Variants in AP5M1 observed in about 807,000 individuals in gnomAD.
AP5M1 encodes adaptor related protein complex 5 subunit mu 1, also known as AP-5 complex subunit mu-1.
In AP5M1, 44 loss-of-function variants were observed where a neutral mutation model predicts 52.3. That is an observed-to-expected ratio of 0.84 (90% CI 0.66 to 1.08). The LOEUF is 1.08. Ranked by LOEUF, AP5M1 falls within the 50% of genes least tolerant of loss-of-function variation. The probability of loss-of-function intolerance (pLI) is 0.00; values close to 1 mark genes in which losing one functional copy is unlikely to be tolerated. For synonymous variants in AP5M1, 213 were observed against 199.0 expected (o/e 1.07, Z -0.59); for missense variants, 526 against 568.4 (o/e 0.93, Z 0.76).
Position 57,274,638 on chromosome 14 carries a change from A to G in AP5M1, c.469A>G (p.Ser157Gly), listed in dbSNP as rs1192966689. Residue 157 changes from serine to glycine, a missense_variant, in exon 2 of 8, where the codon AGC (serine) becomes GGC (glycine). Ser to Gly is a moderately conservative substitution (Grantham distance 56, BLOSUM62 0). Transcript: ENST00000261558. ...KNDSELNTKLSQLPDLLLQAC... is the reference protein window; with the variant it reads ...KNDSELNTKLGQLPDLLLQAC... ...TGACTCTGAGCTGAATACAAAATTG[A>G]GCCAGTTGCCTGACTTGCTTCTGCA... is the stretch of plus-strand genomic sequence containing the variant. 1.2e-6 allele frequency: 2 copies of G among 1,614,100 alleles called. No individual in the cohort carries two copies. The highest frequency in any genetic ancestry group is 1.7e-6 in the Non-Finnish European group (2 of 1,180,034).
At position 57,288,969 on chromosome 14, in the gene AP5M1, C is replaced by A. The variant is rs976039783; in HGVS notation, c.*85C>A. 4 of 760,480 alleles carry A rather than the reference C, an allele frequency of 5.3e-6. No homozygotes were observed. Among genetic ancestry groups the A allele is most frequent in the Non-Finnish European group, 8.4e-6 (4 of 473,448 alleles). 47.1% of individuals were successfully genotyped at this position (760,480 alleles called of 1,614,324 possible). Reference sequence around the variant, plus strand: ...ATATTTTTAATGTGGATGCATATAACCTGTGAGTGAAAAATCACTGAATGA... The same window carrying A: ...ATATTTTTAATGTGGATGCATATAAACTGTGAGTGAAAAATCACTGAATGA... On this transcript the variant is annotated 3_prime_UTR_variant, in exon 8 of 8. Transcript: ENST00000261558.
chr14:57,291,778 T>C lies in AP5M1; in HGVS notation c.*2894T>C, dbSNP rs1321527660. The C allele has an allele frequency of 6.6e-6, 1 of 151,298 alleles. No individual in the cohort carries two copies. The highest frequency in any genetic ancestry group is 1.5e-5 in the Non-Finnish European group (1 of 67,680). The allele number at this position is 151,298 out of a possible 1,614,324, so 9.4% of individuals were successfully genotyped here. On this transcript the variant is annotated 3_prime_UTR_variant, in exon 8 of 8. Transcript: ENST00000261558. ...ATTTATACTTGGTAACAATTGCCAA[T>C]TTTTTTTTCTGGTTTTTGTTGTAGT... is the stretch of plus-strand genomic sequence containing the variant.
intron 6 of AP5M1, 24 bp from the exon 7 acceptor site, chr14:57,286,199 G>T: frequency 6.9e-7 from 1 of 1,444,348 alleles, no homozygotes; most frequent in South Asian, 1.2e-5. Flanking sequence ...ACCTTAATTT[G>T]GTACATTTCT....
rs1196052475 is a variant in AP5M1, at chr14:57,297,778, G to A, written c.*8894G>A. 6.6e-6 allele frequency: 1 copy of A among 152,074 alleles called. No individual in the cohort carries two copies. The highest frequency in any genetic ancestry group is 1.5e-5 in the Non-Finnish European group (1 of 68,012). 9.4% of individuals were successfully genotyped at this position (152,074 alleles called of 1,614,324 possible). On this transcript the variant is annotated 3_prime_UTR_variant, in exon 8 of 8. Coordinates refer to ENST00000261558, the MANE Select transcript of AP5M1 (RefSeq NM_018229.4). ...AGCAGCTTAGTGTTGATTTAATGAA[G>A]TAGCAAAATGTTAAATACATAACAA...
intron 2 of AP5M1, among the ~76,000 whole-genome samples, chr14:57,278,966 C>G (rs975091334): frequency 1.3e-5 from 2 of 152,096 alleles, no homozygotes; most frequent in Non-Finnish European, 2.9e-5. Flanking sequence ...AAATGCAAAT[C>G]AAAACCACAA....
At chr14:57,277,027 C>G (rs1347861421) in intron 2 of AP5M1, among the ~76,000 whole-genome samples, 1 of 152,036 alleles carries the variant, frequency 6.6e-6, no homozygotes, top group Non-Finnish European at 1.5e-5. Context: ...GCCAGTGGTC[C>G]AAAGTTCTAG....
intron 1 of AP5M1, among the ~76,000 whole-genome samples, chr14:57,270,844 T>TA (rs1423621704): frequency 6.6e-6 from 1 of 152,230 alleles, no homozygotes; most frequent in Admixed American, 6.5e-5. Context: ...TTCCTAATGT[T>TA]ACATTTGTCA....
At chr14:57,270,033 C>CA (rs1381273075) in intron 1 of AP5M1, among the ~76,000 whole-genome samples, 1 of 152,212 alleles carries the variant, frequency 6.6e-6, no homozygotes, top group African/African-American at 2.4e-5. Flanking sequence ...TAGTCTTGAT[C>CA]TCCTGACCTC....
rs369901672 is a variant in AP5M1, at chr14:57,272,708, GT to G, written c.75-1533del. Among the ~76,000 whole-genome samples, 314 of 152,212 alleles carry G rather than the reference GT, an allele frequency of 2.1e-3. 2 individuals carry two copies. Among genetic ancestry groups the G allele is most frequent in the African/African-American group, 7.2e-3 (299 of 41,522 alleles). On this transcript the variant is annotated intron_variant, in intron 1 of 7. Transcript: ENST00000261558. ...CTAGATAATAAGAGATTGGACTAGA[GT>G]TTAGTCCAGAGATCTCTACTATTCA...
chr14:57,269,267 G>T lies in AP5M1; in HGVS notation c.-48G>T, dbSNP rs763114228. On this transcript the variant is annotated 5_prime_UTR_variant, in exon 1 of 8. Coordinates refer to ENST00000261558, the MANE Select transcript of AP5M1 (RefSeq NM_018229.4). Reference sequence around the variant, plus strand: ...AGAAAGCCGGTCTGCGCTGTTCCTCGGTGGCGACCTTAATTATGAGATGAG... The same window carrying T: ...AGAAAGCCGGTCTGCGCTGTTCCTCTGTGGCGACCTTAATTATGAGATGAG... 1.1e-5 allele frequency: 17 copies of T among 1,580,028 alleles called. No homozygotes were observed. The highest frequency in any genetic ancestry group is 1.5e-5 in the Non-Finnish European group (17 of 1,150,514).
chr14:57,285,277 G>GA (rs1227907167), intron 6 of AP5M1, among the ~76,000 whole-genome samples: 1 of 151,984 alleles, frequency 6.6e-6, no homozygotes, highest in East Asian at 1.9e-4. Context: ...ATACCTTTCA[G>GA]AAAAAAATGT....
At position 57,298,163 on chromosome 14, in the gene AP5M1, A is replaced by G. The variant is rs899445505; in HGVS notation, c.*9279A>G. The G allele has an allele frequency of 6.6e-6, 1 of 152,136 alleles. No homozygotes were observed. The highest frequency in any genetic ancestry group is 2.4e-5 in the African/African-American group (1 of 41,428). 9.4% of individuals were successfully genotyped at this position (152,136 alleles called of 1,614,324 possible). On this transcript the variant is annotated 3_prime_UTR_variant, in exon 8 of 8. Transcript: ENST00000261558. ...TCTACAACAGCTTTGTGGGCTCCCT[A>G]CTATTTACTAGAGTCAATCCTGATT...
chr14:57,274,375 T>C lies in AP5M1; in HGVS notation c.206T>C (p.Val69Ala), dbSNP rs770560807. The change falls in exon 2 of 8, where the codon GTT (valine) becomes GCT (alanine). Residue 69 changes from valine (V) to alanine (A), a missense_variant. Physicochemically the swap from Val to Ala is moderately conservative, Grantham distance 64. Around this residue, in one of 3 missense-constraint regions of AP5M1, gnomAD observed 425 missense variants for 430.6 expected, o/e 0.99. Transcript: ENST00000261558. ...LRLLDDDKDF[V>A]ESRDSCSRIN... ...TTATTGGATGATGATAAAGACTTCG[T>C]TGAGAGTCGTGATAGCTGTTCACGC... The C allele has an allele frequency of 6.2e-7, 1 of 1,614,174 alleles. No individual in the cohort carries two copies. Among genetic ancestry groups the C allele is most frequent in the Non-Finnish European group, 8.5e-7 (1 of 1,180,022 alleles).
chr14:57,288,862 C>T lies in AP5M1; in HGVS notation c.1451C>T (p.Thr484Ile). Reference protein sequence around the residue: ...IWNSKAPAPVTYGSLLL With the variant: ...IWNSKAPAPVIYGSLLL Reference sequence around the variant, plus strand: ...AATTCTAAAGCCCCTGCTCCAGTAACATATGGATCATTATTATTGTAATAG... The same window carrying T: ...AATTCTAAAGCCCCTGCTCCAGTAATATATGGATCATTATTATTGTAATAG... The change falls in exon 8 of 8, where the codon ACA (threonine) becomes ATA (isoleucine). Residue 484 changes from threonine to isoleucine, a missense_variant. Coordinates refer to ENST00000261558, the MANE Select transcript of AP5M1 (RefSeq NM_018229.4). 1 of 1,560,492 alleles carries T rather than the reference C, an allele frequency of 6.4e-7. No homozygotes were observed.
chr14:57,285,692 A>G (rs999155878), intron 6 of AP5M1, among the ~76,000 whole-genome samples: 2 of 152,206 alleles, frequency 1.3e-5, no homozygotes, highest in Non-Finnish European at 2.9e-5. Flanking sequence ...TTCTGTTTTC[A>G]TAATTAAATT....
chr14:57,286,258 A>G lies in AP5M1; in HGVS notation c.1329A>G (p.Gly443=). The change falls in exon 7 of 8, where the codon GGA becomes GGG. Residue 443 remains glycine (G), a synonymous_variant. Coordinates refer to ENST00000261558, the MANE Select transcript of AP5M1 (RefSeq NM_018229.4). Reference sequence around the variant, plus strand: ...GGATCTTAGATTACACACTTACTGGATGTTATGCAGATCAGCATTCAGTTC... The same window carrying G: ...GGATCTTAGATTACACACTTACTGGGTGTTATGCAGATCAGCATTCAGTTC... ...HFRILDYTLT[G]CYADQHSVQV... 3.1e-6 allele frequency: 5 copies of G among 1,612,884 alleles called. No individual in the cohort carries two copies. The highest frequency in any genetic ancestry group is 4.2e-6 in the Non-Finnish European group (5 of 1,179,138).
At chr14:57,276,704 A>G (rs1417509089) in intron 2 of AP5M1, among the ~76,000 whole-genome samples, 1 of 150,918 alleles carries the variant, frequency 6.6e-6, no homozygotes, top group African/African-American at 2.4e-5. Context: ...GTCTCTGTTC[A>G]TCGATAGGCT....
intron 2 of AP5M1, 157 bp downstream of exon 2, chr14:57,275,046 AT>A (rs1884991958): frequency 2.7e-6 from 2 of 742,882 alleles, no homozygotes; most frequent in Admixed American, 5.2e-5. Context: ...ATCTTTTTGC[AT>A]TCCTTACCAA....
chr14:57,274,608 A>G lies in AP5M1; in HGVS notation c.439A>G (p.Lys147Glu). ...GIQDFLYSGQ[K>E]NDSELNTKLS... ...ACAGGATTTTCTTTATTCAGGTCAA[A>G]AAAATGACTCTGAGCTGAATACAAA... Residue 147 changes from lysine to glutamate, a missense_variant, in exon 2 of 8, where the codon AAA becomes GAA. Coordinates refer to ENST00000261558, the MANE Select transcript of AP5M1 (RefSeq NM_018229.4). 1 of 1,614,236 alleles carries G rather than the reference A, an allele frequency of 6.2e-7. No homozygotes were observed. The highest frequency in any genetic ancestry group is 8.5e-7 in the Non-Finnish European group (1 of 1,180,042).
Sources: allele counts gnomAD v4.1 joint callset (sites outside exome capture counted in the v4.1 genomes callset), GRCh38; gene constraint gnomAD v4.1.1; regional missense constraint gnomAD v4.1.1; transcripts MANE v1.5; gene names NCBI Gene and HGNC (gene_info 2026-07-23, HGNC 2026-07-21).